The following ST7L variants were observed in gnomAD, a reference collection of about 807,000 sequenced individuals.
ST7L encodes the protein suppressor of tumorigenicity 7 protein-like.
Under a neutral mutation model 72.5 loss-of-function variants are expected in ST7L, and 57 were observed. The observed-to-expected ratio is 0.79, with a 90% CI of 0.64 to 0.98. The LOEUF (loss-of-function observed/expected upper bound fraction) is 0.98. Among genes scored for constraint, ST7L ranks in the 50% least tolerant of loss-of-function variants. ST7L has a pLI of 0.00. For missense variants in ST7L, 576 were observed against 672.2 expected (o/e 0.86, Z 1.58); for synonymous variants, 221 against 240.9 (o/e 0.92, Z 0.77).
rs575264519 is a variant in ST7L, at chr1:112,594,732, G to A, written c.623-3129C>T. ...TTAAATTGAAAAATGAAGTCAGACT[G>A]CTCTGTCAGAAAGTAAATATGATTT... On this transcript the variant is annotated intron_variant, in intron 5 of 14. Transcript: ENST00000358039. 2.3e-4 allele frequency among the ~76,000 whole-genome samples: 35 copies of A among 152,244 alleles called. No homozygotes were observed. The South Asian group carries it at 6.4e-3, about 28-fold the overall frequency.
chr1:112,612,809 T>C (rs1441701773), intron 2 of ST7L, among the ~76,000 whole-genome samples: 1 of 152,050 alleles, frequency 6.6e-6, no homozygotes, highest in Non-Finnish European at 1.5e-5. Flanking sequence ...TTATATTGAA[T>C]AAATCTTGGC....
chr1:112,581,859 T>C, intron 9 of ST7L, 133 bp downstream of exon 9: 2 of 669,200 alleles, frequency 3.0e-6, no homozygotes, highest in East Asian at 2.9e-5. Context: ...AGATACTAAA[T>C]AGCAACCTCT....
rs1655201993 is a variant in ST7L, at chr1:112,536,358, CAT to C, written c.1629+5591_1629+5592del. On this transcript the variant is annotated intron_variant, in intron 14 of 14. Transcript: ENST00000358039. ...GGAAAACTCAGAACCTTTAAAAAAA[CAT>C]ATATTTTTCAATTGGTATACATTAA... 2.6e-5 allele frequency among the ~76,000 whole-genome samples: 4 copies of C among 151,742 alleles called. No individual in the cohort carries two copies. The South Asian group carries it at 6.3e-4, about 24-fold the overall frequency.
chr1:112,617,082 C>A, intron 1 of ST7L, 187 bp from the exon 2 acceptor site: 3 of 368,658 alleles, frequency 8.1e-6, no homozygotes, highest in Non-Finnish European at 9.7e-6. Flanking sequence ...TGCAACAAAT[C>A]AAAATGAGGT....
rs74226062 is a variant in ST7L at position 112,561,146 on chromosome 1, G to C, written c.1246-5128C>G. ...TTAATTTTCTAAGAAGAATATAAAA[G>C]ATTAAAAACTGACCGATGATTTTTT... On this transcript the variant is annotated intron_variant, in intron 11 of 14. Transcript: ENST00000358039. 2.9e-3 allele frequency among the ~76,000 whole-genome samples: 435 copies of C among 151,664 alleles called. 17 individuals carry two copies. The East Asian group carries it at 0.074, about 26-fold the overall frequency.
intron 14 of ST7L, chr1:112,528,625 T>C (rs1218741175): frequency 1.3e-5 from 2 of 152,224 alleles, no homozygotes. Flanking sequence ...TACATTAATG[T>C]AGGCTTACAG....
intron 13 of ST7L, among the ~76,000 whole-genome samples, chr1:112,544,685 T>G (rs945521527): frequency 1.3e-5 from 2 of 152,268 alleles, no homozygotes; most frequent in African/African-American, 4.8e-5. Context: ...TAAAGAACTT[T>G]AATTTATATT....
At chr1:112,558,227 G>GA (rs1205648493) in intron 11 of ST7L, among the ~76,000 whole-genome samples, 11 of 152,250 alleles carry the variant, frequency 7.2e-5, no homozygotes, top group African/African-American at 2.4e-4. Flanking sequence ...TATAAAAAGA[G>GA]AAACATTCCA....
chr1:112,552,026 G>A (rs878959176), intron 12 of ST7L, among the ~76,000 whole-genome samples: 1 of 152,094 alleles, frequency 6.6e-6, no homozygotes, highest in South Asian at 2.1e-4. Flanking sequence ...GGTCAAGCAC[G>A]GCCAGAGCCT....
Position 112,577,053 on chromosome 1 carries a change from C to A in ST7L, c.1178G>T (p.Ser393Ile). Residue 393 changes from serine to isoleucine, a missense_variant, in exon 11 of 15, where the codon AGC becomes ATC. Around this residue, in one of 3 missense-constraint regions of ST7L, gnomAD observed 511 missense variants for 600.7 expected, o/e 0.85. Transcript: ENST00000358039. Reference protein sequence around the residue: ...SPETASRRGLSTAEINAVEAI... With the variant: ...SPETASRRGLITAEINAVEAI... ...TTCCACGGCATTAATTTCTGCTGTGCTTAATCCTCTTCTGGAGGCTGTTTC... is the reference window on the plus strand; with the variant it reads ...TTCCACGGCATTAATTTCTGCTGTGATTAATCCTCTTCTGGAGGCTGTTTC... 6.2e-7 allele frequency: 1 copy of A among 1,607,898 alleles called. No homozygotes were observed. Among genetic ancestry groups the A allele is most frequent in the Non-Finnish European group, 8.5e-7 (1 of 1,176,388 alleles).
chr1:112,565,963 A>G (rs1201750710), intron 11 of ST7L, among the ~76,000 whole-genome samples: 1 of 151,908 alleles, frequency 6.6e-6, no homozygotes, highest in Non-Finnish European at 1.5e-5. Flanking sequence ...GTGAGTCATG[A>G]TCATGCCACT....
intron 14 of ST7L, among the ~76,000 whole-genome samples, chr1:112,535,844 G>C (rs756680516): frequency 1.3e-5 from 2 of 152,044 alleles, no homozygotes; most frequent in African/African-American, 4.8e-5. Context: ...TCTTAGTTTG[G>C]TTCTTTTTGA....
rs1427212480 is a variant in ST7L, at chr1:112,524,541, T to C, written c.*1472A>G. 1 of 152,568 alleles carries C rather than the reference T, an allele frequency of 6.6e-6. No individual in the cohort carries two copies. The highest frequency in any genetic ancestry group is 1.5e-5 in the Non-Finnish European group (1 of 68,070). 9.5% of individuals were successfully genotyped at this position (152,568 alleles called of 1,614,324 possible). A position where few individuals can be genotyped will look rare whatever the true frequency, so the allele number is the denominator to read the frequency against. ...CAGAGCCGCCCCCTGGGTGCAGAAA[T>C]GAAATACGGGAGAGCTTCACATTAC... On this transcript the variant is annotated 3_prime_UTR_variant, in exon 15 of 15. Coordinates refer to ENST00000358039, the MANE Select transcript of ST7L (RefSeq NM_017744.5).
chr1:112,604,746 T>G (rs1463466607), intron 3 of ST7L, among the ~76,000 whole-genome samples: 1 of 114,242 alleles, frequency 8.8e-6, no homozygotes, highest in African/African-American at 3.5e-5. Flanking sequence ...GACCCCAGCC[T>G]GGGCAACATA....
chr1:112,541,021 A>C (rs1570910727), intron 14 of ST7L: 13 of 461,118 alleles, frequency 2.8e-5, no homozygotes, highest in East Asian at 7.2e-5. Context: ...ATGGCGGCTC[A>C]TGCCTGTAAT....
intron 1 of ST7L, among the ~76,000 whole-genome samples, chr1:112,617,708 T>TTCTC (rs71677646): frequency 1.2e-3 from 139 of 117,726 alleles, no homozygotes; most frequent in African/African-American, 5.2e-3. Context: ...CTGTCTGTCT[T>TTCTC]TCTCTCTCTC....
chr1:112,600,158 A>G (rs1430319793), intron 4 of ST7L, among the ~76,000 whole-genome samples: 1 of 152,026 alleles, frequency 6.6e-6, no homozygotes, highest in African/African-American at 2.4e-5. Flanking sequence ...CTCCTGCCTC[A>G]GCCTCCCAAG....
intron 12 of ST7L, among the ~76,000 whole-genome samples, chr1:112,551,456 G>A (rs982928640): frequency 2.6e-5 from 4 of 152,206 alleles, no homozygotes; most frequent in Non-Finnish European, 5.9e-5. Flanking sequence ...CCTATGAGCA[G>A]ATCTTAATCT....
In ST7L at chr1:112,591,609, G is replaced by GA. The variant is rs1431965273; in HGVS notation, c.623-7dup. 3 of 1,595,786 alleles carry GA rather than the reference G, an allele frequency of 1.9e-6. No individual in the cohort carries two copies. In the East Asian group the frequency reaches 6.8e-5, roughly 36 times the overall value. On this transcript the variant is annotated splice_region_variant and splice_polypyrimidine_tract_variant and intron_variant, in intron 5 of 14. Transcript: ENST00000358039. ...CCTCCAAGCCTTCTGCATAACTGTA[G>GA]AAAAAAATTCCATAAAATAGATGAG...
Sources: gnomAD v4.1 joint callset for allele counts (sites outside exome capture counted in the v4.1 genomes callset) on GRCh38, gnomAD v4.1.1 for gene constraint, gnomAD v4.1.1 regional missense constraint, MANE v1.5 for transcripts, NCBI Gene and HGNC (gene_info 2026-07-23, HGNC 2026-07-21) for gene names.